Variants in RDM1 observed in about 807,000 individuals in gnomAD.
RDM1 encodes RAD52 motif-containing protein 1.
In RDM1, 28 loss-of-function variants were observed where a neutral mutation model predicts 27.7. The observed-to-expected ratio is 1.01, with a 90% CI of 0.75 to 1.39. The LOEUF (loss-of-function observed/expected upper bound fraction) is 1.39. Among genes scored for constraint, RDM1 ranks in the 40% most tolerant of loss-of-function variants. The pLI, the probability that RDM1 is intolerant of heterozygous loss-of-function variation, is 0.00. For missense variants in RDM1, 277 were observed against 337.3 expected (o/e 0.82, Z 1.40); for synonymous variants, 124 against 127.5 (o/e 0.97, Z 0.19).
Position 35,918,265 on chromosome 17 carries a change from TG to T in RDM1, c.*76del. The T allele has an allele frequency of 8.1e-7, 1 of 1,238,954 alleles. No homozygotes were observed. The allele number at this position is 1,238,954 out of a possible 1,614,324, so 76.7% of individuals were successfully genotyped here. Reference sequence around the variant, plus strand: ...CCAGGACTCCAGCAGCCTATAGTGGTGGGGCGGCGTGGGGTAGGGGCACGAC... The same window carrying T: ...CCAGGACTCCAGCAGCCTATAGTGGTGGGCGGCGTGGGGTAGGGGCACGAC... On this transcript the variant is annotated 3_prime_UTR_variant, in exon 7 of 7. Coordinates refer to ENST00000620284, the MANE Select transcript of RDM1 (RefSeq NM_145654.4).
chr17:35,920,652 GCT>G (rs1334916890), intron 5 of RDM1, among the ~76,000 whole-genome samples: 1 of 151,588 alleles, frequency 6.6e-6, no homozygotes, highest in African/African-American at 2.4e-5. Context: ...ACGTGGTCTT[GCT>G]TTGTTGCCCA....
intron 6 of RDM1, among the ~76,000 whole-genome samples, chr17:35,918,742 C>CA (rs1300450667): frequency 6.6e-6 from 1 of 152,164 alleles, no homozygotes; most frequent in Non-Finnish European, 1.5e-5. Context: ...ACCCTGTGTG[C>CA]ACACATGGAG....
At chr17:35,922,456 CA>C in intron 5 of RDM1, 120 bp downstream of exon 5, 1 of 1,207,604 alleles carries the variant, frequency 8.3e-7, no homozygotes, top group Non-Finnish European at 1.1e-6. Context: ...AATAATTTAG[CA>C]AATGAAAGCA....
chr17:35,928,214 T>C (rs2141951754), intron 2 of RDM1, among the ~76,000 whole-genome samples: 1 of 152,332 alleles, frequency 6.6e-6, no homozygotes, highest in South Asian at 2.1e-4. Flanking sequence ...GATGACTGAA[T>C]TGAGGCATAC....
chr17:35,930,175 AG>A lies in RDM1; in HGVS notation c.176del (p.Pro59LeufsTer51). On this transcript the variant is annotated frameshift_variant, in exon 2 of 7. Transcript: ENST00000620284. LOFTEE classifies it high-confidence loss of function. ...RVFPNAAVAH[P>X]GFYAVIKFYS... The stretch of plus-strand genomic sequence containing the variant: ...AAAACTTAATGACGGCATAGAAACC[AG>A]GATGGGCCACTGCAGCATTTGGGAA... 2 of 1,614,220 alleles carry A rather than the reference AG, an allele frequency of 1.2e-6. No individual in the cohort carries two copies. Among genetic ancestry groups the A allele is most frequent in the Non-Finnish European group, 1.7e-6 (2 of 1,180,034 alleles).
chr17:35,929,620 A>G (rs1024413800), intron 2 of RDM1, among the ~76,000 whole-genome samples: 2 of 151,952 alleles, frequency 1.3e-5, no homozygotes, highest in Non-Finnish European at 2.9e-5. Flanking sequence ...TTTTGTATTT[A>G]TAGTACAGAT....
At chr17:35,927,346 A>G (rs2089188777) in intron 2 of RDM1, among the ~76,000 whole-genome samples, 1 of 152,096 alleles carries the variant, frequency 6.6e-6, no homozygotes, top group African/African-American at 2.4e-5. Context: ...AGGCTGAGGC[A>G]GGAGAATCAA....
chr17:35,926,042 G>A (rs1194044182), intron 2 of RDM1, among the ~76,000 whole-genome samples: 1 of 152,052 alleles, frequency 6.6e-6, no homozygotes, highest in Admixed American at 6.5e-5. Context: ...GCTGAGGCAG[G>A]GGAATCGCTT....
At chr17:35,924,990 T>C (rs2089087402) in intron 3 of RDM1, among the ~76,000 whole-genome samples, 1 of 151,816 alleles carries the variant, frequency 6.6e-6, no homozygotes, top group African/African-American at 2.4e-5. Flanking sequence ...AAAAATTAGC[T>C]GGGCGTGGTG....
chr17:35,922,433 C>A, intron 5 of RDM1, 144 bp downstream of exon 5: 1 of 994,018 alleles, frequency 1.0e-6, no homozygotes, highest in Non-Finnish European at 1.4e-6. Flanking sequence ...CAAATTTGAG[C>A]CTGTTGGTGT....
chr17:35,920,854 TAAA>T (rs1357283765), intron 5 of RDM1, among the ~76,000 whole-genome samples: 1 of 152,038 alleles, frequency 6.6e-6, no homozygotes, highest in Non-Finnish European at 1.5e-5. Context: ...ACATAAGAAA[TAAA>T]AAATGTGGAA....
In RDM1 at chr17:35,918,291, C is replaced by G. The variant is rs772202288; in HGVS notation, c.*51G>C. 4 of 1,535,912 alleles carry G rather than the reference C, an allele frequency of 2.6e-6. No individual in the cohort carries two copies. In the Admixed American group the frequency reaches 6.7e-5, roughly 26 times the overall value. ...GGGGCGGCGTGGGGTAGGGGCACGA[C>G]AGAGCTTCCCAAGGAAGTTACATGA... On this transcript the variant is annotated 3_prime_UTR_variant, in exon 7 of 7. Coordinates refer to ENST00000620284, the MANE Select transcript of RDM1 (RefSeq NM_145654.4).
At chr17:35,923,349 C>CAA (rs1013511994) in intron 4 of RDM1, among the ~76,000 whole-genome samples, 1,680 of 46,726 alleles carry the variant, frequency 0.036, 110 homozygotes, top group African/African-American at 0.13. Flanking sequence ...GATTCTGTCT[C>CAA]AAAAAAAAAA....
rs2088983308 is a variant in RDM1 at position 35,922,559 on chromosome 17, T to A, written c.667+18A>T. ...TACTGAAACTGAAGTACTTCAAGGATGATCAAGACAGTCTTACCTAGAACA... is the reference window on the plus strand; with the variant it reads ...TACTGAAACTGAAGTACTTCAAGGAAGATCAAGACAGTCTTACCTAGAACA... On this transcript the variant is annotated intron_variant, in intron 5 of 6. Coordinates refer to ENST00000620284, the MANE Select transcript of RDM1 (RefSeq NM_145654.4). The A allele has an allele frequency of 6.2e-7, 1 of 1,603,332 alleles. No individual in the cohort carries two copies. Among genetic ancestry groups the A allele is most frequent in the Admixed American group, 1.7e-5 (1 of 57,660 alleles).
chr17:35,929,363 C>A (rs1365579502), intron 2 of RDM1, among the ~76,000 whole-genome samples: 1 of 152,174 alleles, frequency 6.6e-6, no homozygotes, highest in Admixed American at 6.5e-5. Context: ...TGGGCTCAAG[C>A]GATCCTCCCA....
intron 4 of RDM1, 144 bp from the exon 5 acceptor site, chr17:35,922,819 C>T (rs560189706): frequency 7.6e-5 from 48 of 634,288 alleles, no homozygotes; most frequent in African/African-American, 7.5e-4. Context: ...GGTTGAATGG[C>T]TCTGTTATAG....
chr17:35,925,953 T>A (rs1022844397), intron 2 of RDM1, among the ~76,000 whole-genome samples: 1 of 151,994 alleles, frequency 6.6e-6, no homozygotes, highest in Non-Finnish European at 1.5e-5. Context: ...GCTAACATAG[T>A]GAAACCCCGT....
At chr17:35,929,588 C>G (rs762808319) in intron 2 of RDM1, among the ~76,000 whole-genome samples, 1 of 152,182 alleles carries the variant, frequency 6.6e-6, no homozygotes, top group African/African-American at 2.4e-5. Context: ...ACTACAGGCG[C>G]ATGCCACCAT....
At chr17:35,926,542 TACAGGC>T (rs769917078) in intron 2 of RDM1, among the ~76,000 whole-genome samples, 182 of 152,262 alleles carry the variant, frequency 1.2e-3, no homozygotes, top group Non-Finnish European at 2.1e-3. Context: ...TAGTTGGGAC[TACAGGC>T]ACCTGCCACC....
Sources: allele counts gnomAD v4.1 joint callset (sites outside exome capture counted in the v4.1 genomes callset), GRCh38; gene constraint gnomAD v4.1.1; transcripts MANE v1.5; gene names NCBI Gene and HGNC (gene_info 2026-07-23, HGNC 2026-07-21).